CCDC146: variants seen among roughly 807,000 people sequenced by gnomAD.
The protein encoded by CCDC146 is coiled-coil domain containing 146.
In CCDC146, 92 loss-of-function variants were observed where a neutral mutation model predicts 119.3. That is an observed-to-expected ratio of 0.77 (90% CI 0.65 to 0.92). The LOEUF (loss-of-function observed/expected upper bound fraction) is 0.92. Among genes scored for constraint, CCDC146 ranks in the 40% least tolerant of loss-of-function variants. The pLI is 0.00. For missense variants in CCDC146, 1,000 were observed against 1,103.0 expected (o/e 0.91, Z 1.32); for synonymous variants, 372 against 371.8 (o/e 1.00, Z -0.01).
intron 1 of CCDC146, among the ~76,000 whole-genome samples, chr7:77,122,947 C>T (rs550786846): frequency 1.3e-3 from 199 of 151,156 alleles, no homozygotes; most frequent in Non-Finnish European, 2.4e-3. Flanking sequence ...GAATAGAGTA[C>T]TTGCTCCGTC....
chr7:77,212,139 G>C (rs1380955058), intron 2 of CCDC146, among the ~76,000 whole-genome samples: 1 of 152,096 alleles, frequency 6.6e-6, no homozygotes, highest in Admixed American at 6.5e-5. Context: ...ATCTGTAGCT[G>C]ACATAAATGC....
chr7:77,245,065 T>G (rs558468725), intron 4 of CCDC146, among the ~76,000 whole-genome samples: 1 of 152,336 alleles, frequency 6.6e-6, no homozygotes, highest in East Asian at 1.9e-4. Flanking sequence ...CTGTGTAATT[T>G]TGTCAATTTT....
Position 77,256,424 on chromosome 7 carries a change from G to T in CCDC146, c.599G>T (p.Arg200Leu). The change falls in exon 6 of 19, where the codon CGA becomes CTA. Residue 200 changes from arginine (R) to leucine (L), a missense_variant. Arg to Leu is a moderately radical substitution (Grantham distance 102). Around this residue, in one of 2 missense-constraint regions of CCDC146, gnomAD observed 985 missense variants for 1,045.3 expected, o/e 0.94. Coordinates refer to ENST00000285871, the MANE Select transcript of CCDC146 (RefSeq NM_020879.3). ...MQKKLEIKNL[R>L]EDLASKQKQL... is the part of the protein sequence containing the mutation. ...AAGAAATTAGAAATTAAAAATTTACGAGAAGATTTGGCATCTAAACAAAAG... is the reference window on the plus strand; with the variant it reads ...AAGAAATTAGAAATTAAAAATTTACTAGAAGATTTGGCATCTAAACAAAAG... The T allele has an allele frequency of 1.2e-6, 2 of 1,607,746 alleles. No individual in the cohort carries two copies. The highest frequency in any genetic ancestry group is 2.2e-5 in the East Asian group (1 of 44,818).
chr7:77,254,492 T>TC lies in CCDC146; in HGVS notation c.450-14_450-13insC, dbSNP rs1418459743. ...TCTTTGTACTTTTTCAAACTTGATTTTTTTTTTTTGCAGCTTAAAGGAAGA... is the reference window on the plus strand; with the variant it reads ...TCTTTGTACTTTTTCAAACTTGATTTCTTTTTTTTTGCAGCTTAAAGGAAGA... On this transcript the variant is annotated splice_polypyrimidine_tract_variant and intron_variant, in intron 4 of 18. Coordinates refer to ENST00000285871, the MANE Select transcript of CCDC146 (RefSeq NM_020879.3). 7.0e-7 allele frequency: 1 copy of TC among 1,431,818 alleles called. No homozygotes were observed. The highest frequency in any genetic ancestry group is 2.3e-5 in the East Asian group (1 of 43,742). The allele number at this position is 1,431,818 out of a possible 1,614,324, so 88.7% of individuals were successfully genotyped here.
At chr7:77,211,778 G>T (rs1254215499) in intron 2 of CCDC146, among the ~76,000 whole-genome samples, 4 of 151,948 alleles carry the variant, frequency 2.6e-5, no homozygotes, top group Non-Finnish European at 5.9e-5. Flanking sequence ...TCCATGCCTG[G>T]CTAATTTTTT....
At chr7:77,123,798 GTTATCA>G (rs1398169005) in intron 1 of CCDC146, among the ~76,000 whole-genome samples, 1 of 152,156 alleles carries the variant, frequency 6.6e-6, no homozygotes, top group Non-Finnish European at 1.5e-5. Flanking sequence ...GTTCTCTTAA[GTTATCA>G]TTGCCTCTTT....
rs1793745247 is a variant in CCDC146, at chr7:77,280,615, CAA to C, written c.1884_1885del (p.Arg629IlefsTer10). The C allele has an allele frequency of 6.2e-7, 1 of 1,613,500 alleles. No individual in the cohort carries two copies. The highest frequency in any genetic ancestry group is 1.7e-5 in the Admixed American group (1 of 59,948). ...TCGAAGAGGAGATGGTGCAGCTTCGCAAAAGATACGAAAAAGCTGTTCAGCAT... is the reference window on the plus strand; with the variant it reads ...TCGAAGAGGAGATGGTGCAGCTTCGCAAGATACGAAAAAGCTGTTCAGCAT... Reference protein sequence around the residue: ...MIEEEMVQLRKRYEKAVQHRN... With the variant: ...MIEEEMVQLRXRYEKAVQHRN... On this transcript the variant is annotated frameshift_variant, in exon 14 of 19. Transcript: ENST00000285871. LOFTEE classifies it high-confidence loss of function.
intron 14 of CCDC146, among the ~76,000 whole-genome samples, chr7:77,281,137 AAG>A (rs1793757155): frequency 7.2e-6 from 1 of 138,398 alleles, no homozygotes; most frequent in South Asian, 2.2e-4. Flanking sequence ...GAGAGAAAGA[AAG>A]AAATACCGTC....
chr7:77,183,591 C>A (rs71573337), intron 2 of CCDC146, among the ~76,000 whole-genome samples: 8 of 152,170 alleles, frequency 5.3e-5, no homozygotes, highest in Non-Finnish European at 8.8e-5. Flanking sequence ...GCCAGGAGTG[C>A]TTTCTTCCCT....
At chr7:77,199,607 G>C (rs779393816) in intron 2 of CCDC146, 5 of 1,614,146 alleles carry the variant, frequency 3.1e-6, no homozygotes, top group Admixed American at 3.3e-5. Context: ...ATAGTCAAGG[G>C]GGGCAGGCTT....
chr7:77,141,884 A>G (rs58644320), intron 1 of CCDC146, among the ~76,000 whole-genome samples: 1,663 of 152,136 alleles, frequency 0.011, 23 homozygotes, highest in African/African-American at 0.038. Flanking sequence ...CTGTGATGAT[A>G]GTTTCTTTTG....
chr7:77,245,853 C>T (rs1170994196), intron 4 of CCDC146, among the ~76,000 whole-genome samples: 1 of 132,794 alleles, frequency 7.5e-6, no homozygotes, highest in East Asian at 2.1e-4. Flanking sequence ...ATAGCTAGAA[C>T]AGATTTTACC....
intron 1 of CCDC146, among the ~76,000 whole-genome samples, chr7:77,162,724 T>C (rs1261624321): frequency 2.0e-5 from 3 of 152,106 alleles, no homozygotes; most frequent in Non-Finnish European, 4.4e-5. Flanking sequence ...GTAGATTGCT[T>C]TGTATAGTAA....
chr7:77,129,777 G>A (rs1276063291), intron 1 of CCDC146, among the ~76,000 whole-genome samples: 2 of 151,964 alleles, frequency 1.3e-5, no homozygotes, highest in Admixed American at 1.3e-4. Context: ...TCTACTTATT[G>A]ATATTCTCTG....
intron 2 of CCDC146, among the ~76,000 whole-genome samples, chr7:77,235,319 G>T (rs1220686630): frequency 1.3e-5 from 2 of 152,214 alleles, no homozygotes; most frequent in South Asian, 4.1e-4. Context: ...GCAAGTACAC[G>T]TGGTTATCTT....
chr7:77,139,033 T>G (rs1011149045), intron 1 of CCDC146, among the ~76,000 whole-genome samples: 3 of 152,238 alleles, frequency 2.0e-5, no homozygotes, highest in African/African-American at 4.8e-5. Context: ...AGGTGAAAAC[T>G]TATGTCCATA....
rs1202718101 is a variant in CCDC146 at position 77,278,764 on chromosome 7, A to G, written c.1453A>G (p.Asn485Asp). The change falls in exon 12 of 19, where the codon AAC becomes GAC. Residue 485 changes from asparagine to aspartate, a missense_variant. Physicochemically the swap from Asn to Asp is conservative, Grantham distance 23 (BLOSUM62 1). Coordinates refer to ENST00000285871, the MANE Select transcript of CCDC146 (RefSeq NM_020879.3). ...TTGTACATTTCAGCAAAAATACACC[A>G]ACATTGTTAAAGAAATGAAAGCAAA... ...DFLKAQQKYT[N>D]IVKEMKAKDL... The G allele has an allele frequency of 1.2e-6, 2 of 1,610,518 alleles. No homozygotes were observed. The highest frequency in any genetic ancestry group is 1.7e-6 in the Non-Finnish European group (2 of 1,178,202).
intron 2 of CCDC146, among the ~76,000 whole-genome samples, chr7:77,210,528 C>A (rs898988078): frequency 2.6e-5 from 4 of 152,216 alleles, no homozygotes; most frequent in Non-Finnish European, 5.9e-5. Flanking sequence ...ATCTTCCTAT[C>A]TTCTTCTAAA....
chr7:77,193,021 C>T (rs1791799892), intron 2 of CCDC146, among the ~76,000 whole-genome samples: 1 of 152,128 alleles, frequency 6.6e-6, no homozygotes, highest in South Asian at 2.1e-4. Context: ...TACTTTTGAA[C>T]AATCCCCCTG....
Sources: gnomAD v4.1 joint callset for allele counts (sites outside exome capture counted in the v4.1 genomes callset) on GRCh38, gnomAD v4.1.1 for gene constraint, gnomAD v4.1.1 regional missense constraint, MANE v1.5 for transcripts, NCBI Gene and HGNC (gene_info 2026-07-23, HGNC 2026-07-21) for gene names.